The following PTPRT variants were observed in gnomAD, a reference collection of about 807,000 sequenced individuals.
PTPRT encodes the protein receptor-type tyrosine-protein phosphatase T.
PTPRT carries 56 observed loss-of-function variants against 176.8 expected under a neutral mutation model. The ratio of observed to expected loss-of-function variants is 0.32; its 90% confidence interval spans 0.26 to 0.40. The LOEUF is 0.40. Ranked by LOEUF, PTPRT falls within the 10% of genes least tolerant of loss-of-function variation. PTPRT has a pLI of 1.00. For synonymous variants in PTPRT, 783 were observed against 739.0 expected (o/e 1.06, Z -0.96); for missense variants, 1,540 against 1,908.2 (o/e 0.81, Z 3.60).
chr20:42,371,171 T>C (rs1262674716), intron 9 of PTPRT, among the ~76,000 whole-genome samples: 3 of 152,204 alleles, frequency 2.0e-5, no homozygotes, highest in Non-Finnish European at 2.9e-5. Flanking sequence ...AGCAGCCCCA[T>C]AGGGCAGTGG....
chr20:43,002,232 G>C (rs570976423), intron 1 of PTPRT, among the ~76,000 whole-genome samples: 117 of 152,320 alleles, frequency 7.7e-4, no homozygotes, highest in Non-Finnish European at 1.6e-3. Flanking sequence ...GAACAGTGAA[G>C]TCAATTAAAC....
At chr20:42,926,434 C>A (rs1308699389) in intron 1 of PTPRT, among the ~76,000 whole-genome samples, 2 of 152,304 alleles carry the variant, frequency 1.3e-5, no homozygotes, top group South Asian at 4.1e-4. Flanking sequence ...GCAATTCACC[C>A]CACTGTGCCT....
In PTPRT at chr20:42,763,908, C is replaced by T. The variant is rs989215501; in HGVS notation, c.685-7272G>A. Among the ~76,000 whole-genome samples, 3 of 152,094 alleles carry T rather than the reference C, an allele frequency of 2.0e-5. No homozygotes were observed. In the East Asian group the frequency reaches 5.8e-4, roughly 29 times the overall value. On this transcript the variant is annotated intron_variant, in intron 5 of 30. Coordinates refer to ENST00000373187, the MANE Select transcript of PTPRT (RefSeq NM_007050.6). Reference sequence around the variant, plus strand: ...AGTCAGGAGGGACCTGGCATAAGTCCCACAGGGCTTGGTGGGGGACAAAGG... The same window carrying T: ...AGTCAGGAGGGACCTGGCATAAGTCTCACAGGGCTTGGTGGGGGACAAAGG...
chr20:42,978,065 A>G (rs1983053055), intron 1 of PTPRT, among the ~76,000 whole-genome samples: 1 of 151,770 alleles, frequency 6.6e-6, no homozygotes, highest in Non-Finnish European at 1.5e-5. Flanking sequence ...CCTTATACAT[A>G]CTACGTTTTG....
At chr20:43,137,942 C>A (rs940887545) in intron 1 of PTPRT, among the ~76,000 whole-genome samples, 5 of 152,310 alleles carry the variant, frequency 3.3e-5, no homozygotes, top group African/African-American at 7.2e-5. Context: ...AGGGAGGAAG[C>A]CTTTTGCAGT....
At chr20:42,954,425 A>G (rs1165143987) in intron 1 of PTPRT, among the ~76,000 whole-genome samples, 1 of 152,176 alleles carries the variant, frequency 6.6e-6, no homozygotes, top group African/African-American at 2.4e-5. Flanking sequence ...GGAGGACAGC[A>G]TCCCAGCACC....
chr20:43,182,930 A>G (rs370594627), intron 1 of PTPRT, among the ~76,000 whole-genome samples: 108 of 152,350 alleles, frequency 7.1e-4, no homozygotes, highest in African/African-American at 2.5e-3. Flanking sequence ...CCTTAGCTTA[A>G]TGAGAAAAGA....
At chr20:42,103,717 A>C (rs1986162731) in intron 25 of PTPRT, among the ~76,000 whole-genome samples, 1 of 152,220 alleles carries the variant, frequency 6.6e-6, no homozygotes, top group South Asian at 2.1e-4. Context: ...AGTCTACTGA[A>C]AAATTACTGA....
intron 1 of PTPRT, among the ~76,000 whole-genome samples, chr20:43,167,444 G>T (rs1291812962): frequency 6.6e-6 from 1 of 152,114 alleles, no homozygotes; most frequent in Non-Finnish European, 1.5e-5. Context: ...AAAAAAAGAG[G>T]TGGGGTGGGA....
At chr20:42,936,590 G>A (rs1171325423) in intron 1 of PTPRT, among the ~76,000 whole-genome samples, 1 of 152,210 alleles carries the variant, frequency 6.6e-6, no homozygotes, top group Non-Finnish European at 1.5e-5. Flanking sequence ...TGGGGTGGAA[G>A]ACCAATGTCA....
chr20:42,157,018 C>T (rs1989385222), intron 17 of PTPRT, among the ~76,000 whole-genome samples: 1 of 152,190 alleles, frequency 6.6e-6, no homozygotes, highest in Admixed American at 6.5e-5. Flanking sequence ...TAATGCATAG[C>T]ATGGTCAGGT....
intron 15 of PTPRT, among the ~76,000 whole-genome samples, chr20:42,235,141 A>G (rs2056215079): frequency 6.6e-6 from 1 of 152,194 alleles, no homozygotes; most frequent in Non-Finnish European, 1.5e-5. Context: ...AGTGCATATT[A>G]GGAATGTGGA....
intron 2 of PTPRT, among the ~76,000 whole-genome samples, chr20:42,839,175 G>A (rs1219635134): frequency 2.0e-5 from 3 of 151,980 alleles, no homozygotes; most frequent in East Asian, 1.9e-4. Context: ...CATCTCACAC[G>A]GCCTCCCTGG....
rs1569159161 is a variant in PTPRT at position 42,791,227 on chromosome 20, C to A, written c.454G>T (p.Ala152Ser). Residue 152 changes from alanine (A) to serine (S), a missense_variant, in exon 3 of 31, where the codon GCC becomes TCC. Physicochemically the swap from Ala to Ser is moderately conservative, Grantham distance 99. Around this residue, in one of 11 missense-constraint regions of PTPRT, gnomAD observed 273 missense variants for 432.1 expected, o/e 0.63. Coordinates refer to ENST00000373187, the MANE Select transcript of PTPRT (RefSeq NM_007050.6). ...VTEGWVKAEL[A>S]ISTFWPHFYQ... ...AAATGTGGCCAGAAAGTGCTGATGGCGAGCTCTGCCTTCACCCAGCCCTCA... is the reference window on the plus strand; with the variant it reads ...AAATGTGGCCAGAAAGTGCTGATGGAGAGCTCTGCCTTCACCCAGCCCTCA... The A allele has an allele frequency of 1.3e-6, 2 of 1,597,998 alleles. No individual in the cohort carries two copies. The highest frequency in any genetic ancestry group is 8.5e-7 in the Non-Finnish European group (1 of 1,170,318).
At chr20:42,584,598 C>G (rs564823599) in intron 7 of PTPRT, among the ~76,000 whole-genome samples, 88 of 152,262 alleles carry the variant, frequency 5.8e-4, no homozygotes, top group Non-Finnish European at 8.7e-4. Context: ...CTCTCCTTAT[C>G]ATGCTTTATT....
At chr20:42,621,371 C>G (rs1027714171) in intron 7 of PTPRT, among the ~76,000 whole-genome samples, 1 of 152,202 alleles carries the variant, frequency 6.6e-6, no homozygotes, top group Non-Finnish European at 1.5e-5. Context: ...CTCCAGGTCT[C>G]TCCAACAACC....
At chr20:42,337,470 C>T (rs997463392) in intron 11 of PTPRT, among the ~76,000 whole-genome samples, 4 of 152,234 alleles carry the variant, frequency 2.6e-5, no homozygotes, top group African/African-American at 7.2e-5. Flanking sequence ...TGTGAGTGTA[C>T]AGTCAATGAA....
intron 1 of PTPRT, among the ~76,000 whole-genome samples, chr20:42,982,292 C>A (rs1175586129): frequency 6.6e-6 from 1 of 152,166 alleles, no homozygotes; most frequent in Non-Finnish European, 1.5e-5. Flanking sequence ...GACTAAGAAG[C>A]CATCCATCTG....
chr20:42,629,818 C>G (rs567630420), intron 7 of PTPRT, among the ~76,000 whole-genome samples: 14 of 152,270 alleles, frequency 9.2e-5, no homozygotes, highest in Non-Finnish European at 1.9e-4. Flanking sequence ...AGGATCCAAA[C>G]GACATGGGAA....
Sources: allele counts gnomAD v4.1 joint callset (sites outside exome capture counted in the v4.1 genomes callset), GRCh38; gene constraint gnomAD v4.1.1; regional missense constraint gnomAD v4.1.1; transcripts MANE v1.5; gene names NCBI Gene and HGNC (gene_info 2026-07-23, HGNC 2026-07-21).